PADI6: variants seen among roughly 807,000 people sequenced by gnomAD.
PADI6 encodes the protein peptidyl arginine deiminase 6.
PADI6 carries 66 observed loss-of-function variants against 78.2 expected under a neutral mutation model. That is an observed-to-expected ratio of 0.84 (90% CI 0.69 to 1.04). The LOEUF (loss-of-function observed/expected upper bound fraction) is 1.04. Ranked by LOEUF, PADI6 falls within the 50% of genes least tolerant of loss-of-function variation. The pLI, the probability that PADI6 is intolerant of heterozygous loss-of-function variation, is 0.00. For missense variants in PADI6, 854 were observed against 866.1 expected (o/e 0.99, Z 0.18); for synonymous variants, 397 against 346.9 (o/e 1.14, Z -1.60).
intron 4 of PADI6, 36 bp downstream of exon 4, chr1:17,380,023 C>A: frequency 6.2e-7 from 1 of 1,603,778 alleles, no homozygotes; most frequent in Non-Finnish European, 8.5e-7. Flanking sequence ...GGGAAGGGGC[C>A]CTATAAGCCA....
chr1:17,397,555 C>T (rs1173396404), intron 14 of PADI6, among the ~76,000 whole-genome samples: 2 of 152,148 alleles, frequency 1.3e-5, no homozygotes, highest in African/African-American at 2.4e-5. Context: ...TATGACTATG[C>T]AGCTGGATCT....
At position 17,398,654 on chromosome 1, in the gene PADI6, G is replaced by GCTCCCC. The variant is rs1553154452; in HGVS notation, c.1690-31_1690-30insTCCCCC. ...CCTGATGAGCTCTCCTTGCTCCCCC[G>GCTCCCC]CCCCCCCCCCCACCCACCCACCCAC... On this transcript the variant is annotated intron_variant, in intron 14 of 15. Coordinates refer to ENST00000619609, the MANE Select transcript of PADI6 (RefSeq NM_207421.4). 9.6e-5 allele frequency: 17 copies of GCTCCCC among 177,768 alleles called. 1 individual carries two copies. Among genetic ancestry groups the GCTCCCC allele is most frequent in the South Asian group, 2.5e-4 (5 of 19,806 alleles). 11.0% of individuals were successfully genotyped at this position (177,768 alleles called of 1,614,324 possible).
intron 15 of PADI6, 103 bp downstream of exon 15, chr1:17,398,950 C>A: frequency 7.7e-6 from 10 of 1,292,144 alleles, no homozygotes; most frequent in Non-Finnish European, 1.1e-5. Flanking sequence ...CAGCAGATAA[C>A]GGTACCTATG....
chr1:17,383,573 C>G (rs951785410), intron 6 of PADI6, among the ~76,000 whole-genome samples: 1 of 152,222 alleles, frequency 6.6e-6, no homozygotes, highest in Non-Finnish European at 1.5e-5. Flanking sequence ...TCAGGCTGGG[C>G]GTGGTGGCTC....
intron 8 of PADI6, among the ~76,000 whole-genome samples, chr1:17,390,483 A>G (rs1312042776): frequency 6.6e-6 from 1 of 151,762 alleles, no homozygotes; most frequent in Non-Finnish European, 1.5e-5. Flanking sequence ...GCACCCCAGT[A>G]ATCCCAGCTA....
Position 17,372,365 on chromosome 1 carries a change from A to T in PADI6, c.116+4A>T. On this transcript the variant is annotated splice_donor_region_variant and intron_variant, in intron 1 of 15. Coordinates refer to ENST00000619609, the MANE Select transcript of PADI6 (RefSeq NM_207421.4). Reference sequence around the variant, plus strand: ...AAATCTGCTTGGATCTCAGCGGGTGAGATGCTGGGAGCTCTGCCAGAGGTG... The same window carrying T: ...AAATCTGCTTGGATCTCAGCGGGTGTGATGCTGGGAGCTCTGCCAGAGGTG... The T allele has an allele frequency of 6.2e-7, 1 of 1,613,542 alleles. No individual in the cohort carries two copies. Among genetic ancestry groups the T allele is most frequent in the Non-Finnish European group, 8.5e-7 (1 of 1,179,554 alleles).
Position 17,395,485 on chromosome 1 carries a change from G to A in PADI6, c.1495-55G>A, listed in dbSNP as rs149535928. 707 of 1,536,510 alleles carry A rather than the reference G, an allele frequency of 4.6e-4. 8 individuals are homozygous for A. The African/African-American group carries it at 8.1e-3, about 18-fold the overall frequency. On this transcript the variant is annotated intron_variant, in intron 12 of 15. Transcript: ENST00000619609. The stretch of plus-strand genomic sequence containing the variant: ...TCCAAAGTGCTGGGATTACAGATAT[G>A]AGCCACCATGTCCAGCTGAGAAAGC...
intron 6 of PADI6, among the ~76,000 whole-genome samples, chr1:17,384,142 CAAAA>C (rs564182068): frequency 8.4e-5 from 12 of 142,284 alleles, no homozygotes; most frequent in Admixed American, 2.8e-4. Flanking sequence ...GACTCTGTCT[CAAAA>C]AAAAAAACTT....
In PADI6 at chr1:17,393,152, A is replaced by G. The variant is rs142747904; in HGVS notation, c.1075-823A>G. On this transcript the variant is annotated intron_variant, in intron 9 of 15. Coordinates refer to ENST00000619609, the MANE Select transcript of PADI6 (RefSeq NM_207421.4). ...CAGAGCGAGACTGTCTCAAAAGAAA[A>G]AAAAAAATCTGGGGTTGTGCTTGGA... Among the ~76,000 whole-genome samples the G allele has an allele frequency of 2.9e-3, 444 of 152,198 alleles. 1 individual carries two copies. The highest frequency in any genetic ancestry group is 0.014 in the Middle Eastern group (4 of 294).
rs2075302065 is a variant in PADI6, at chr1:17,401,588, C to T, written c.*150C>T. The T allele has an allele frequency of 2.8e-6, 2 of 712,892 alleles. No individual in the cohort carries two copies. The highest frequency in any genetic ancestry group is 1.9e-5 in the South Asian group (1 of 52,284). 44.2% of individuals were successfully genotyped at this position (712,892 alleles called of 1,614,324 possible). A position where few individuals can be genotyped will look rare whatever the true frequency, so the allele number is the denominator to read the frequency against. On this transcript the variant is annotated 3_prime_UTR_variant, in exon 16 of 16. Transcript: ENST00000619609. ...GTCTGCCCCGACCGACCCTCGGACC[C>T]AGTAGGATGGCAAATGCCGCCAGCT...
chr1:17,386,807 A>C (rs1174020115), intron 6 of PADI6, among the ~76,000 whole-genome samples: 1 of 152,148 alleles, frequency 6.6e-6, no homozygotes, highest in Non-Finnish European at 1.5e-5. Flanking sequence ...CTGGGGCTCT[A>C]ACCCAGAGCA....
chr1:17,389,595 C>T (rs1240407103), intron 8 of PADI6, among the ~76,000 whole-genome samples: 2 of 152,206 alleles, frequency 1.3e-5, no homozygotes, highest in African/African-American at 2.4e-5. Flanking sequence ...AAATCCTGAA[C>T]ACGCACGGGG....
chr1:17,389,760 T>C (rs1172146119), intron 8 of PADI6, among the ~76,000 whole-genome samples: 1 of 152,082 alleles, frequency 6.6e-6, no homozygotes, highest in Non-Finnish European at 1.5e-5. Context: ...CAGGTACAGA[T>C]AAAAGGTGGA....
rs2075229951 is a variant in PADI6, at chr1:17,394,894, G to A, written c.1338-57G>A. ...GGAGGCAGCATGACACCAAGTGGCG[G>A]GTGACCAGCCCTGGGCCACACTGGC... On this transcript the variant is annotated intron_variant, in intron 11 of 15. Transcript: ENST00000619609. 2.7e-6 allele frequency: 4 copies of A among 1,492,340 alleles called. No homozygotes were observed. In the Admixed American group the frequency reaches 6.8e-5, roughly 25 times the overall value. The allele number at this position is 1,492,340 out of a possible 1,614,324, so 92.4% of individuals were successfully genotyped here.
chr1:17,398,603 A>G, intron 14 of PADI6, 83 bp from the exon 15 acceptor site: 1 of 838,452 alleles, frequency 1.2e-6, no homozygotes, highest in Non-Finnish European at 1.9e-6. Context: ...ACCTACCTTC[A>G]GTATGGAAGG....
Position 17,375,487 on chromosome 1 carries a change from C to T in PADI6, c.355C>T (p.Leu119Phe). Reference sequence around the variant, plus strand: ...CCCCGTGGGCACAGCTGTGCTGTACCTCACTGGCATTGGTGAGTGTTGCTC... The same window carrying T: ...CCCCGTGGGCACAGCTGTGCTGTACTTCACTGGCATTGGTGAGTGTTGCTC... ...DAPVGTAVLY[L>F]TGIEVSLEVD... is the part of the protein sequence containing the mutation. The change falls in exon 3 of 16, where the codon CTC (leucine) becomes TTC (phenylalanine). Residue 119 changes from leucine (L) to phenylalanine (F), a missense_variant. Transcript: ENST00000619609. 6.2e-7 allele frequency: 1 copy of T among 1,607,366 alleles called. No individual in the cohort carries two copies. Among genetic ancestry groups the T allele is most frequent in the Non-Finnish European group, 8.5e-7 (1 of 1,176,968 alleles).
chr1:17,398,215 A>G (rs967187730), intron 14 of PADI6, among the ~76,000 whole-genome samples: 1 of 152,200 alleles, frequency 6.6e-6, no homozygotes, highest in African/African-American at 2.4e-5. Flanking sequence ...GTTTTGCAAG[A>G]ACAGCCCCCC....
Position 17,395,569 on chromosome 1 carries a change from T to C in PADI6, c.1524T>C (p.Ser508=). ...KGFLLLLASP[S]ACYKLFREKQ... ...TCCTGCTGCTCCTGGCCAGCCCCAG[T>C]GCCTGCTATAAACTGTTCCGAGAGA... Residue 508 remains serine, a synonymous_variant, in exon 13 of 16, where the codon AGT becomes AGC. Coordinates refer to ENST00000619609, the MANE Select transcript of PADI6 (RefSeq NM_207421.4). 1 of 1,565,914 alleles carries C rather than the reference T, an allele frequency of 6.4e-7. No homozygotes were observed. The highest frequency in any genetic ancestry group is 1.2e-5 in the South Asian group (1 of 85,272).
chr1:17,399,632 C>T (rs533153347), intron 15 of PADI6, among the ~76,000 whole-genome samples: 30 of 151,372 alleles, frequency 2.0e-4, no homozygotes, highest in African/African-American at 7.3e-4. Context: ...TGGTGGCTCA[C>T]CTGTAGTTCT....
Sources: allele counts gnomAD v4.1 joint callset (sites outside exome capture counted in the v4.1 genomes callset), GRCh38; gene constraint gnomAD v4.1.1; transcripts MANE v1.5; gene names NCBI Gene and HGNC (gene_info 2026-07-23, HGNC 2026-07-21).